The following MYH15 variants were observed in gnomAD, a reference collection of about 807,000 sequenced individuals.
MYH15 encodes the protein myosin heavy chain 15.
Under a neutral mutation model 240.5 loss-of-function variants are expected in MYH15, and 227 were observed. The observed-to-expected ratio is 0.94, with a 90% confidence interval of 0.85 to 1.05. The LOEUF (loss-of-function observed/expected upper bound fraction) is 1.05. MYH15 is among the 50% of genes least tolerant of loss of function. The probability of loss-of-function intolerance (pLI) is 0.00; values close to 1 mark genes in which losing one functional copy is unlikely to be tolerated. For synonymous variants in MYH15, 785 were observed against 796.7 expected (o/e 0.99, Z 0.25); for missense variants, 2,217 against 2,247.5 (o/e 0.99, Z 0.27).
intron 7 of MYH15, among the ~76,000 whole-genome samples, chr3:108,494,369 T>A (rs2083376292): frequency 6.6e-6 from 1 of 152,140 alleles, no homozygotes; most frequent in South Asian, 2.1e-4. Context: ...ATTTCTTGAT[T>A]TTTTTGAACT....
In MYH15 at chr3:108,456,760, G is replaced by GT; in HGVS notation, c.2138+5dup. 11 of 1,593,382 alleles carry GT rather than the reference G, an allele frequency of 6.9e-6. No individual in the cohort carries two copies. The highest frequency in any genetic ancestry group is 9.5e-6 in the Non-Finnish European group (11 of 1,161,446). ...AGGCTTCTTGGATCCTAGAATGTAGGTTTACCTTTGTTTAAAATCAGCATA... is the reference window on the plus strand; with the variant it reads ...AGGCTTCTTGGATCCTAGAATGTAGGTTTTACCTTTGTTTAAAATCAGCATA... On this transcript the variant is annotated splice_donor_region_variant and intron_variant, in intron 19 of 40. Coordinates refer to ENST00000693548, the MANE Select transcript of MYH15 (RefSeq NM_014981.3).
At chr3:108,383,772 A>G (rs894269087) in intron 39 of MYH15, 43 bp from the exon 40 acceptor site, 5 of 1,458,964 alleles carry the variant, frequency 3.4e-6, no homozygotes, top group Non-Finnish European at 3.7e-6. Context: ...CCATGCCTAT[A>G]TAGTCAGGTG....
chr3:108,528,389 G>T (rs113823247), intron 1 of MYH15, among the ~76,000 whole-genome samples: 1 of 152,152 alleles, frequency 6.6e-6, no homozygotes, highest in Non-Finnish European at 1.5e-5. Context: ...AGGTATGATG[G>T]ATTTCTTTGA....
intron 2 of MYH15, among the ~76,000 whole-genome samples, chr3:108,503,409 TA>T (rs775988736): frequency 4.6e-5 from 7 of 152,060 alleles, no homozygotes; most frequent in Admixed American, 6.5e-5. Flanking sequence ...ATACATGTGG[TA>T]AGGGATTTGC....
Position 108,464,785 on chromosome 3 carries a change from T to C in MYH15, c.1584A>G (p.Glu528=), listed in dbSNP as rs528506562. ...CTGTAGCCTTAGGAAACATACACTC[T>C]TCTTCAAGGATGGAAAGGATGCCCA... The part of the protein sequence containing the change: ...KPMGILSILE[E]ECMFPKATDL... The change falls in exon 15 of 41, where the codon GAA becomes GAG. Residue 528 remains glutamate (E), a synonymous_variant. Transcript: ENST00000693548. 3.2e-5 allele frequency: 51 copies of C among 1,610,780 alleles called. No homozygotes were observed. In the African/African-American group the frequency reaches 6.4e-4, roughly 20 times the overall value.
rs1442540969 is a variant in MYH15, at chr3:108,470,061, C to A, written c.1535G>T (p.Cys512Phe). The A allele has an allele frequency of 1.2e-6, 2 of 1,602,610 alleles. No homozygotes were observed. The highest frequency in any genetic ancestry group is 8.5e-7 in the Non-Finnish European group (1 of 1,176,418). ...SIGFGLDLQA[C>F]IDLIEKPMGI... ...TATTACCTTCTCAATGAGATCTATGCAAGCTTGCAAATCCAGACCAAAGCC... is the reference window on the plus strand; with the variant it reads ...TATTACCTTCTCAATGAGATCTATGAAAGCTTGCAAATCCAGACCAAAGCC... The change falls in exon 14 of 41, where the codon TGC becomes TTC. Residue 512 changes from cysteine (C) to phenylalanine (F), a missense_variant. By Grantham distance (205) the Cys-to-Phe change is radical. Transcript: ENST00000693548.
chr3:108,413,931 C>G (rs2107550124), intron 30 of MYH15, among the ~76,000 whole-genome samples: 1 of 152,234 alleles, frequency 6.6e-6, no homozygotes, highest in South Asian at 2.1e-4. Context: ...ATTTTCACAC[C>G]ACGGCTCAAA....
upstream of MYH15, among the ~76,000 whole-genome samples, chr3:108,512,408 AG>A (rs1226285904): frequency 6.6e-6 from 1 of 152,214 alleles, no homozygotes; most frequent in Non-Finnish European, 1.5e-5. Flanking sequence ...AGCTGTAGTC[AG>A]GGAGACAAGT....
rs963971875 is a variant in MYH15 at position 108,498,081 on chromosome 3, C to T, written c.589G>A (p.Ala197Thr). 2 of 1,613,944 alleles carry T rather than the reference C, an allele frequency of 1.2e-6. No homozygotes were observed. The highest frequency in any genetic ancestry group is 1.7e-6 in the Non-Finnish European group (2 of 1,179,990). Reference protein sequence around the residue: ...KHIIQYFATIAAMIESRKKQG... With the variant: ...KHIIQYFATITAMIESRKKQG... ...TTTTTCCTGGATTCAATCATGGCTG[C>T]TATGGTGGCAAAATACTGGATAATA... Residue 197 changes from alanine to threonine, a missense_variant, in exon 6 of 41, where the codon GCA becomes ACA. Physicochemically the swap from Ala to Thr is moderately conservative, Grantham distance 58. Transcript: ENST00000693548.
intron 9 of MYH15, among the ~76,000 whole-genome samples, chr3:108,489,731 C>A (rs1017755399): frequency 3.3e-5 from 5 of 152,150 alleles, no homozygotes; most frequent in African/African-American, 1.2e-4. Flanking sequence ...ATCCTCATAT[C>A]GTTAAGATAT....
Position 108,414,440 on chromosome 3 carries a change from A to G in MYH15, c.3949-12T>C, listed in dbSNP as rs963383772. 34 of 1,601,938 alleles carry G rather than the reference A, an allele frequency of 2.1e-5. No individual in the cohort carries two copies. Among genetic ancestry groups the G allele is most frequent in the Non-Finnish European group, 2.8e-5 (33 of 1,172,948 alleles). ...AGGGCACTCTGGGACTGTAGGGGACACACATTAACAAAAAGGTCATGACCA... is the reference window on the plus strand; with the variant it reads ...AGGGCACTCTGGGACTGTAGGGGACGCACATTAACAAAAAGGTCATGACCA... On this transcript the variant is annotated splice_polypyrimidine_tract_variant and intron_variant, in intron 29 of 40. Coordinates refer to ENST00000693548, the MANE Select transcript of MYH15 (RefSeq NM_014981.3).
intron 2 of MYH15, among the ~76,000 whole-genome samples, chr3:108,502,810 CT>C (rs2083448239): frequency 6.6e-6 from 1 of 152,094 alleles, no homozygotes; most frequent in Non-Finnish European, 1.5e-5. Context: ...CATCTGTCTT[CT>C]TTGACATTGT....
chr3:108,470,346 A>C lies in MYH15; in HGVS notation c.1384-134T>G, dbSNP rs532402429. 16 of 592,690 alleles carry C rather than the reference A, an allele frequency of 2.7e-5. No individual in the cohort carries two copies. The South Asian group carries it at 4.6e-4, about 17-fold the overall frequency. 36.7% of individuals were successfully genotyped at this position (592,690 alleles called of 1,614,324 possible). A position where few individuals can be genotyped will look rare whatever the true frequency, so the allele number is the denominator to read the frequency against. On this transcript the variant is annotated intron_variant, in intron 13 of 40. Transcript: ENST00000693548. ...TAGACCCAACAAGTAACAAATGCTC[A>C]ATTAACTTAATTAATTGTAATTTTG...
chr3:108,521,518 A>G (rs1400446198), intron 1 of MYH15, among the ~76,000 whole-genome samples: 1 of 152,158 alleles, frequency 6.6e-6, no homozygotes, highest in Non-Finnish European at 1.5e-5. Context: ...TTTCCCACTG[A>G]GCAATAAAAG....
upstream of MYH15, among the ~76,000 whole-genome samples, chr3:108,530,615 A>G (rs1199974644): frequency 5.9e-5 from 9 of 152,212 alleles, no homozygotes; most frequent in Non-Finnish European, 1.3e-4. Flanking sequence ...TTCATCAATT[A>G]TAAGATGTGT....
intron 24 of MYH15, among the ~76,000 whole-genome samples, chr3:108,438,220 T>A (rs2082857548): frequency 6.6e-6 from 1 of 152,154 alleles, no homozygotes; most frequent in East Asian, 1.9e-4. Context: ...CATTCTCACA[T>A]GTCATGATTT....
At chr3:108,548,284 T>A in the MYH15 span, among the ~76,000 whole-genome samples, 1 of 152,112 alleles carries the variant, frequency 6.6e-6, no homozygotes. Context: ...AGTAAACTGA[T>A]AGAAAAAGAT....
chr3:108,521,203 GA>G (rs2083615601), intron 1 of MYH15, among the ~76,000 whole-genome samples: 2 of 151,932 alleles, frequency 1.3e-5, no homozygotes, highest in South Asian at 4.2e-4. Context: ...TCAACATTGA[GA>G]AAATTTTCTT....
chr3:108,435,712 G>A lies in MYH15; in HGVS notation c.3221+1842C>T, dbSNP rs570261202. On this transcript the variant is annotated intron_variant, in intron 25 of 40. Coordinates refer to ENST00000693548, the MANE Select transcript of MYH15 (RefSeq NM_014981.3). ...TATATACATATATATATATATATAT[G>A]TATGTATACAGATGTATGTATGAAT... Among the ~76,000 whole-genome samples, 35 of 144,582 alleles carry A rather than the reference G, an allele frequency of 2.4e-4. 1 individual carries two copies. The highest frequency in any genetic ancestry group is 5.2e-4 in the African/African-American group (20 of 38,422). 94.9% of individuals were successfully genotyped at this position (144,582 alleles called of 152,430 possible).
Sources: allele counts gnomAD v4.1 joint callset (sites outside exome capture counted in the v4.1 genomes callset), GRCh38; gene constraint gnomAD v4.1.1; transcripts MANE v1.5; gene names NCBI Gene and HGNC (gene_info 2026-07-23, HGNC 2026-07-21).